IFT88: variants seen among roughly 807,000 people sequenced by gnomAD.
IFT88 encodes intraflagellar transport 88.
In IFT88, 74 loss-of-function variants were observed where a neutral mutation model predicts 119.5. That is an observed-to-expected ratio of 0.62 (90% confidence interval 0.51 to 0.75). The LOEUF (loss-of-function observed/expected upper bound fraction) is 0.75, where lower values mean the gene tolerates loss of function less well. Ranked by LOEUF, IFT88 falls within the 30% of genes least tolerant of loss-of-function variation. The pLI is 0.00. For missense variants in IFT88, 961 were observed against 977.7 expected (o/e 0.98, Z 0.23); for synonymous variants, 279 against 316.7 (o/e 0.88, Z 1.26).
chr13:20,658,245 C>T (rs9509320), intron 22 of IFT88, among the ~76,000 whole-genome samples: 59,721 of 151,776 alleles, frequency 0.39, 13,722 homozygotes, highest in Non-Finnish European at 0.52. Flanking sequence ...TACAGGCACA[C>T]GCCACCATGC....
intron 14 of IFT88, among the ~76,000 whole-genome samples, chr13:20,616,508 C>G (rs2045635477): frequency 6.6e-6 from 1 of 152,170 alleles, no homozygotes; most frequent in African/African-American, 2.4e-5. Flanking sequence ...CAGTAACATG[C>G]TGTAGAGGTT....
At chr13:20,583,767 C>T (rs940127791) in intron 3 of IFT88, among the ~76,000 whole-genome samples, 1 of 152,070 alleles carries the variant, frequency 6.6e-6, no homozygotes, top group Non-Finnish European at 1.5e-5. Context: ...TTAGGTCTTA[C>T]CTTTAGATGT....
intron 17 of IFT88, 60 bp from the exon 18 acceptor site, chr13:20,641,230 A>G: frequency 1.1e-6 from 1 of 872,304 alleles, no homozygotes; most frequent in South Asian, 1.6e-5. Context: ...CTGTTATGTT[A>G]AATAAATTAA....
intron 14 of IFT88, among the ~76,000 whole-genome samples, chr13:20,623,689 A>G (rs1308833257): frequency 1.3e-5 from 2 of 152,020 alleles, no homozygotes; most frequent in South Asian, 2.1e-4. Flanking sequence ...GTTAGCCAGG[A>G]TGGTCTCAAT....
intron 1 of IFT88, among the ~76,000 whole-genome samples, chr13:20,574,013 G>C (rs1010263600): frequency 1.3e-5 from 2 of 152,172 alleles, no homozygotes; most frequent in Non-Finnish European, 2.9e-5. Flanking sequence ...TCATTAAATA[G>C]TTATACTTTA....
rs779866086 is a variant in IFT88, at chr13:20,598,752, A to G, written c.696A>G (p.Ala232=). ...VIVKNKMFSN[A]GILKMNMGNI... is the part of the protein sequence containing the mutation. ...TCAAAAATAAGATGTTTAGCAATGC[A>G]GGTAAGTGTACATAATCAGTTTTTC... Residue 232 remains alanine, a splice_region_variant and synonymous_variant, in exon 10 of 26, where the codon GCA becomes GCG. Transcript: ENST00000351808. 4 of 1,560,004 alleles carry G rather than the reference A, an allele frequency of 2.6e-6. No homozygotes were observed. The highest frequency in any genetic ancestry group is 1.1e-5 in the South Asian group (1 of 89,744).
chr13:20,676,630 GT>G (rs1201891944), intron 24 of IFT88, among the ~76,000 whole-genome samples: 1 of 152,108 alleles, frequency 6.6e-6, no homozygotes, highest in Admixed American at 6.5e-5. Flanking sequence ...GTTGAATTTT[GT>G]TTTTTTAAAC....
chr13:20,629,891 CTT>C (rs2047929127), intron 15 of IFT88, among the ~76,000 whole-genome samples: 1 of 152,136 alleles, frequency 6.6e-6, no homozygotes, highest in Non-Finnish European at 1.5e-5. Flanking sequence ...TTTCTCTACC[CTT>C]GTTTTTTTCT....
At chr13:20,613,046 T>C (rs985750545) in intron 13 of IFT88, among the ~76,000 whole-genome samples, 12 of 152,120 alleles carry the variant, frequency 7.9e-5, no homozygotes, top group African/African-American at 2.4e-4. Context: ...TTTGTAGATA[T>C]GACACCAAAA....
chr13:20,607,789 A>C (rs1378480056), intron 13 of IFT88: 6 of 742,330 alleles, frequency 8.1e-6, no homozygotes, highest in Non-Finnish European at 5.1e-6. Context: ...CAACCTCGTC[A>C]GCTCTCTGAG....
In IFT88 at chr13:20,656,438, G is replaced by T; in HGVS notation, c.2068+8G>T. The T allele has an allele frequency of 7.2e-7, 1 of 1,383,578 alleles. No homozygotes were observed. Among genetic ancestry groups the T allele is most frequent in the South Asian group, 1.4e-5 (1 of 73,820 alleles). 85.7% of individuals were successfully genotyped at this position (1,383,578 alleles called of 1,614,324 possible). On this transcript the variant is annotated splice_region_variant and intron_variant, in intron 22 of 25. Transcript: ENST00000351808. ...TTCCAGAAAATGTCGAATGTAAGTGGCATTACATAATGTAACTTTGAAGTG... is the reference window on the plus strand; with the variant it reads ...TTCCAGAAAATGTCGAATGTAAGTGTCATTACATAATGTAACTTTGAAGTG...
chr13:20,667,616 T>A (rs2054944250), intron 23 of IFT88, among the ~76,000 whole-genome samples: 1 of 151,774 alleles, frequency 6.6e-6, no homozygotes, highest in Non-Finnish European at 1.5e-5. Flanking sequence ...TGTATTTTTT[T>A]TTTTTTTAGT....
intron 1 of IFT88, among the ~76,000 whole-genome samples, chr13:20,570,463 A>G (rs1031172840): frequency 3.3e-5 from 5 of 152,256 alleles, no homozygotes; most frequent in Non-Finnish European, 7.3e-5. Flanking sequence ...CAAAAAGTGG[A>G]AACAATTCAA....
At chr13:20,684,438 C>T (rs1022983328) in intron 24 of IFT88, among the ~76,000 whole-genome samples, 7 of 152,168 alleles carry the variant, frequency 4.6e-5, no homozygotes, top group African/African-American at 4.8e-5. Flanking sequence ...TTAGTTACTT[C>T]GTTACACTCT....
chr13:20,623,153 C>T (rs2046793823), intron 14 of IFT88, among the ~76,000 whole-genome samples: 1 of 152,224 alleles, frequency 6.6e-6, no homozygotes, highest in Admixed American at 6.5e-5. Flanking sequence ...GGGCTCACTA[C>T]TCTATGCTAT....
chr13:20,608,786 T>C (rs1442450057), intron 13 of IFT88, among the ~76,000 whole-genome samples: 1 of 152,194 alleles, frequency 6.6e-6, no homozygotes, highest in Non-Finnish European at 1.5e-5. Context: ...TGAAAAGCGA[T>C]TGCAATTAGC....
intron 9 of IFT88, among the ~76,000 whole-genome samples, chr13:20,597,863 G>A (rs1246430318): frequency 2.6e-5 from 4 of 151,582 alleles, no homozygotes; most frequent in Non-Finnish European, 5.9e-5. Flanking sequence ...TATCAAGGTG[G>A]TTATTTTGAT....
chr13:20,688,801 AT>A (rs762682691), intron 24 of IFT88, among the ~76,000 whole-genome samples: 1 of 152,114 alleles, frequency 6.6e-6, no homozygotes, highest in Non-Finnish European at 1.5e-5. Context: ...GTCATAGCTC[AT>A]TGCAGCATTG....
At chr13:20,671,736 G>A (rs1368111173) in intron 24 of IFT88, among the ~76,000 whole-genome samples, 1 of 152,114 alleles carries the variant, frequency 6.6e-6, no homozygotes, top group East Asian at 1.9e-4. Flanking sequence ...TTTTAAAGAA[G>A]CTAATTTTAA....
Sources: gnomAD v4.1 joint callset for allele counts (sites outside exome capture counted in the v4.1 genomes callset) on GRCh38, gnomAD v4.1.1 for gene constraint, MANE v1.5 for transcripts, NCBI Gene and HGNC (gene_info 2026-07-23, HGNC 2026-07-21) for gene names.